Variants in WLS observed in about 807,000 individuals in gnomAD.
WLS encodes the protein protein wntless homolog.
Under a neutral mutation model 62.8 loss-of-function variants are expected in WLS, and 23 were observed. The observed-to-expected ratio is 0.37, with a 90% CI of 0.26 to 0.52. The LOEUF is 0.52. Ranked by LOEUF, WLS falls within the 20% of genes least tolerant of loss-of-function variation. The pLI, the probability that WLS is intolerant of heterozygous loss-of-function variation, is 0.92. For synonymous variants in WLS, 246 were observed against 244.1 expected (o/e 1.01, Z -0.07); for missense variants, 615 against 697.3 (o/e 0.88, Z 1.33).
intron 10 of WLS, chr1:68,142,946 T>A (rs755186782): frequency 6.6e-6 from 1 of 152,184 alleles, no homozygotes; most frequent in Non-Finnish European, 1.5e-5. Context: ...GAAAAATCCC[T>A]ATAGTGTTAG....
intron 11 of WLS, among the ~76,000 whole-genome samples, chr1:68,131,047 C>A (rs144937917): frequency 3.2e-3 from 405 of 126,212 alleles, no homozygotes; most frequent in African/African-American, 0.011. Flanking sequence ...CGCATGCCAC[C>A]ATGCCCAGCT....
chr1:68,102,951 C>T (rs1646097452), intron 11 of WLS, among the ~76,000 whole-genome samples: 1 of 152,300 alleles, frequency 6.6e-6, no homozygotes. Context: ...TTTAGAAACA[C>T]CTGCATCTTT....
Position 68,146,026 on chromosome 1 carries a change from G to A in WLS, c.1135-14C>T, listed in dbSNP as rs41287860. ...GATGAAGGCCATCTGGTCGTGTCCA[G>A]TAAAGGAAACAACGGGCTAGCCAAG... On this transcript the variant is annotated splice_polypyrimidine_tract_variant and intron_variant, in intron 8 of 11. Coordinates refer to ENST00000262348, the MANE Select transcript of WLS (RefSeq NM_024911.7). 3.9e-3 allele frequency: 6,347 copies of A among 1,613,274 alleles called. 21 individuals carry two copies. The highest frequency in any genetic ancestry group is 4.9e-3 in the Non-Finnish European group (5,790 of 1,179,532).
At chr1:68,165,644 C>T (rs779327973) in intron 2 of WLS, among the ~76,000 whole-genome samples, 5 of 152,092 alleles carry the variant, frequency 3.3e-5, no homozygotes, top group African/African-American at 4.8e-5. Flanking sequence ...TGTAGAAGCA[C>T]GCAAGGCCCC....
intron 1 of WLS, among the ~76,000 whole-genome samples, chr1:68,218,378 C>G (rs954847022): frequency 3.3e-5 from 5 of 152,102 alleles, no homozygotes; most frequent in Admixed American, 3.3e-4. Flanking sequence ...ATCGTACATC[C>G]AAGTCTGGAA....
intron 1 of WLS, among the ~76,000 whole-genome samples, chr1:68,214,868 T>C (rs940867891): frequency 6.6e-6 from 1 of 152,232 alleles, no homozygotes; most frequent in Non-Finnish European, 1.5e-5. Flanking sequence ...AATTCCACCC[T>C]GTATTTTATT....
At chr1:68,148,267 A>G in intron 7 of WLS, 68 bp from the exon 8 acceptor site, 2 of 1,535,920 alleles carry the variant, frequency 1.3e-6, no homozygotes, top group Non-Finnish European at 1.8e-6. Flanking sequence ...TTTCCTTTTC[A>G]CATATTCTTA....
intron 1 of WLS, among the ~76,000 whole-genome samples, chr1:68,201,216 G>A (rs1020652170): frequency 1.3e-5 from 2 of 152,154 alleles, no homozygotes; most frequent in Non-Finnish European, 2.9e-5. Context: ...AGCCAAACCT[G>A]CTTACCATTC....
At chr1:68,139,220 C>T (rs1035921261) in intron 10 of WLS, among the ~76,000 whole-genome samples, 6 of 152,032 alleles carry the variant, frequency 3.9e-5, no homozygotes, top group African/African-American at 1.2e-4. Context: ...ATATAAAATG[C>T]CCAGAAGTGT....
At chr1:68,189,349 G>T (rs966178340) in intron 2 of WLS, among the ~76,000 whole-genome samples, 1 of 152,200 alleles carries the variant, frequency 6.6e-6, no homozygotes, top group Non-Finnish European at 1.5e-5. Flanking sequence ...TTATGCTGAG[G>T]TTGCTAAGAT....
chr1:68,197,620 G>A (rs1489505838), intron 1 of WLS, among the ~76,000 whole-genome samples: 1 of 152,130 alleles, frequency 6.6e-6, no homozygotes, highest in Non-Finnish European at 1.5e-5. Context: ...ACAGCTCAGT[G>A]CAATGTCCTA....
chr1:68,100,157 G>T (rs996353686), intron 11 of WLS, among the ~76,000 whole-genome samples: 9 of 152,188 alleles, frequency 5.9e-5, no homozygotes, highest in African/African-American at 2.2e-4. Context: ...ATCTGTTTGT[G>T]TTACAGTGCA....
chr1:68,153,357 AG>A (rs1275999255), intron 5 of WLS, among the ~76,000 whole-genome samples, 159 bp downstream of exon 5: 3 of 152,236 alleles, frequency 2.0e-5, no homozygotes, highest in Non-Finnish European at 2.9e-5. Context: ...CAACTTGCAT[AG>A]GAAAACTGCA....
chr1:68,191,069 A>G (rs566909341), intron 2 of WLS, among the ~76,000 whole-genome samples: 26 of 152,272 alleles, frequency 1.7e-4, no homozygotes, highest in Admixed American at 1.2e-3. Context: ...AAAAAAAAAA[A>G]AAAAAAATGT....
At chr1:68,130,253 G>T (rs1168866643) in intron 11 of WLS, among the ~76,000 whole-genome samples, 1 of 152,136 alleles carries the variant, frequency 6.6e-6, no homozygotes, top group Non-Finnish European at 1.5e-5. Context: ...TACAGATTCC[G>T]GGAGAGATCG....
At chr1:68,229,150 C>A (rs756662890) in intron 1 of WLS, among the ~76,000 whole-genome samples, 3 of 152,076 alleles carry the variant, frequency 2.0e-5, no homozygotes, top group Non-Finnish European at 2.9e-5. Flanking sequence ...CTGAAGCCTG[C>A]TAGTTAACTC....
chr1:68,153,574 A>G lies in WLS; in HGVS notation c.746T>C (p.Met249Thr), dbSNP rs1405847168. The G allele has an allele frequency of 6.2e-7, 1 of 1,614,110 alleles. No individual in the cohort carries two copies. The highest frequency in any genetic ancestry group is 1.3e-5 in the African/African-American group (1 of 74,938). The change falls in exon 5 of 12, where the codon ATG (methionine) becomes ACG (threonine). Residue 249 changes from methionine (M) to threonine (T), a missense_variant. Met to Thr is a moderately conservative substitution (Grantham distance 81, BLOSUM62 -1). Transcript: ENST00000262348. ...TFLTPSIFIIMVWYWRRITMM... is the reference protein window; with the variant it reads ...TFLTPSIFIITVWYWRRITMM... ...GGTGATCCTCCTCCAATACCACACC[A>G]TAATGATGAAGATGCTGGGCGTAAG...
chr1:68,139,132 C>T (rs1335468835), intron 10 of WLS, among the ~76,000 whole-genome samples: 3 of 152,318 alleles, frequency 2.0e-5, no homozygotes, highest in Non-Finnish European at 4.4e-5. Flanking sequence ...CTTGGTGATA[C>T]ATAATTCTTC....
chr1:68,115,991 T>G (rs34943367), intron 11 of WLS, among the ~76,000 whole-genome samples: 56,515 of 152,134 alleles, frequency 0.37, 12,676 homozygotes, highest in Non-Finnish European at 0.49. Flanking sequence ...GTCGGGAGCT[T>G]CCAGCTCTCC....
Sources: gnomAD v4.1 joint callset for allele counts (sites outside exome capture counted in the v4.1 genomes callset) on GRCh38, gnomAD v4.1.1 for gene constraint, MANE v1.5 for transcripts, NCBI Gene and HGNC (gene_info 2026-07-23, HGNC 2026-07-21) for gene names.